The following OMA1 variants were observed in gnomAD, a reference collection of about 807,000 sequenced individuals.
The protein encoded by OMA1 is metalloendopeptidase OMA1, mitochondrial.
Under a neutral mutation model 30.9 loss-of-function variants are expected in OMA1, and 38 were observed. The ratio of observed to expected loss-of-function variants is 1.23; its 90% CI spans 0.95 to 1.61. The LOEUF is 1.61. Ranked by LOEUF, OMA1 falls within the 40% of genes most tolerant of loss-of-function variation. The pLI, the probability that OMA1 is intolerant of heterozygous loss-of-function variation, is 0.00. For missense variants in OMA1, 461 were observed against 349.2 expected, an observed-to-expected ratio of 1.32 and a Z score of -2.55; for synonymous variants, 173 against 121.9, an observed-to-expected ratio of 1.42 and a Z score of -2.76.
chr1:58,507,252 A>G (rs1646003478), intron 7 of OMA1, among the ~76,000 whole-genome samples: 1 of 151,850 alleles, frequency 6.6e-6, no homozygotes, highest in African/African-American at 2.4e-5. Flanking sequence ...ATATTTCCCA[A>G]TGATTTTATT....
chr1:58,488,487 T>C (rs1374562622), intron 8 of OMA1, among the ~76,000 whole-genome samples: 2 of 152,178 alleles, frequency 1.3e-5, no homozygotes, highest in Non-Finnish European at 2.9e-5. Context: ...GTTTCACTCT[T>C]GTAGCTCACA....
At chr1:58,514,530 C>CT (rs1307685024) in intron 7 of OMA1, among the ~76,000 whole-genome samples, 1 of 152,150 alleles carries the variant, frequency 6.6e-6, no homozygotes, top group Non-Finnish European at 1.5e-5. Flanking sequence ...AAGGTAAATC[C>CT]TGACACTGAA....
intron 7 of OMA1, among the ~76,000 whole-genome samples, chr1:58,521,697 A>G (rs747089149): frequency 6.6e-6 from 1 of 152,162 alleles, no homozygotes; most frequent in Admixed American, 6.5e-5. Flanking sequence ...TAGAAAAACT[A>G]CAAAAACTGA....
chr1:58,504,656 G>A lies in OMA1; in HGVS notation c.1365+1404C>T, dbSNP rs551376553. Among the ~76,000 whole-genome samples, 8 of 152,274 alleles carry A rather than the reference G, an allele frequency of 5.3e-5. No individual in the cohort carries two copies. In the South Asian group the frequency reaches 1.7e-3, roughly 32 times the overall value. Reference sequence around the variant, plus strand: ...CCCAGCAATAGAACACAGAATAGTAGATTAATCAATAAGTATCAATAAATA... The same window carrying A: ...CCCAGCAATAGAACACAGAATAGTAAATTAATCAATAAGTATCAATAAATA... On this transcript the variant is annotated intron_variant, in intron 8 of 8. Transcript: ENST00000371226.
intron 7 of OMA1, among the ~76,000 whole-genome samples, chr1:58,510,219 C>T (rs947972972): frequency 5.9e-5 from 9 of 151,838 alleles, no homozygotes; most frequent in African/African-American, 1.9e-4. Context: ...AACATAAATA[C>T]AAAAATTCTT....
At chr1:58,505,840 T>C (rs1402678362) in intron 8 of OMA1, among the ~76,000 whole-genome samples, 1 of 152,160 alleles carries the variant, frequency 6.6e-6, no homozygotes, top group East Asian at 1.9e-4. Context: ...CCTTCACTAT[T>C]AAGAAAAGTC....
intron 8 of OMA1, among the ~76,000 whole-genome samples, chr1:58,492,500 A>C (rs1430088031): frequency 6.6e-6 from 1 of 152,224 alleles, no homozygotes; most frequent in Non-Finnish European, 1.5e-5. Context: ...AAAGATCAAC[A>C]AAATTGATAG....
At chr1:58,490,292 A>G (rs1024309441) in intron 8 of OMA1, among the ~76,000 whole-genome samples, 8 of 152,250 alleles carry the variant, frequency 5.3e-5, no homozygotes, top group African/African-American at 1.9e-4. Flanking sequence ...CTACGTGACG[A>G]ATGCACAAGC....
intron 8 of OMA1, among the ~76,000 whole-genome samples, chr1:58,495,170 CA>C (rs1451394131): frequency 6.6e-6 from 1 of 152,024 alleles, no homozygotes; most frequent in Non-Finnish European, 1.5e-5. Flanking sequence ...ATTGCAAGGA[CA>C]AAAAACTAAA....
intron 7 of OMA1, among the ~76,000 whole-genome samples, chr1:58,517,111 TCATG>T (rs1390781237): frequency 6.6e-6 from 1 of 152,202 alleles, no homozygotes; most frequent in Non-Finnish European, 1.5e-5. Context: ...GGAAGTACTA[TCATG>T]ATTCTCACTA....
rs1646558786 is a variant in OMA1, at chr1:58,538,802, C to T, written c.493G>A (p.Val165Ile). 1.2e-6 allele frequency: 1 copy of T among 804,806 alleles called. No homozygotes were observed. Among genetic ancestry groups the T allele is most frequent in the Non-Finnish European group, 2.1e-6 (1 of 473,926 alleles). The allele number at this position is 804,806 out of a possible 1,614,324, so 49.9% of individuals were successfully genotyped here. A position where few individuals can be genotyped will look rare whatever the true frequency, so the allele number is the denominator to read the frequency against. Reference sequence around the variant, plus strand: ...TCTAAAAAAGCATTTTACCTGCCTACAATGATTGCAAATAACTTCTGTACT... The same window carrying T: ...TCTAAAAAAGCATTTTACCTGCCTATAATGATTGCAAATAACTTCTGTACT... ...KPVQKLFAII[V>I]GRGIRKWWQA... The change falls in exon 2 of 9, where the codon GTA becomes ATA. Residue 165 changes from valine to isoleucine, a missense_variant. Physicochemically the swap from Val to Ile is conservative, Grantham distance 29. Coordinates refer to ENST00000371226, the MANE Select transcript of OMA1 (RefSeq NM_145243.5).
At chr1:58,537,750 C>G (rs1224867206) in intron 2 of OMA1, among the ~76,000 whole-genome samples, 1 of 152,096 alleles carries the variant, frequency 6.6e-6, no homozygotes, top group African/African-American at 2.4e-5. Context: ...CAAAGTGTGT[C>G]CATTTAAAGG....
At chr1:58,531,077 T>C (rs1356623191) in intron 5 of OMA1, among the ~76,000 whole-genome samples, 1 of 152,146 alleles carries the variant, frequency 6.6e-6, no homozygotes, top group African/African-American at 2.4e-5. Context: ...AGGTTAAGAG[T>C]TGCCCAGATT....
In OMA1 at chr1:58,539,062, CT is replaced by C; in HGVS notation, c.232del (p.Arg78GlufsTer32). On this transcript the variant is annotated frameshift_variant, in exon 2 of 9. Coordinates refer to ENST00000371226, the MANE Select transcript of OMA1 (RefSeq NM_145243.5). LOFTEE classifies it high-confidence loss of function. ...TTTGGTACTTGAGAGGCCTCCTGTT[CT>C]TTTGTTGTTAAAAGTACTATAAAAA... ...FHFYSTFNNKRTGGLSSTKSK... is the reference protein window; with the variant it reads ...FHFYSTFNNKXTGGLSSTKSK... 1.1e-6 allele frequency: 1 copy of C among 872,936 alleles called. No individual in the cohort carries two copies. Among genetic ancestry groups the C allele is most frequent in the Non-Finnish European group, 2.0e-6 (1 of 501,650 alleles). The allele number at this position is 872,936 out of a possible 1,614,324, so 54.1% of individuals were successfully genotyped here.
In OMA1 at chr1:58,489,123, G is replaced by A. The variant is rs995018167; in HGVS notation, c.1366-7949C>T. ...GGACAGTCGGTGCAGCGCACCGAGCGTGAGCCGAAGTAGGGCAAGGCATCG... is the reference window on the plus strand; with the variant it reads ...GGACAGTCGGTGCAGCGCACCGAGCATGAGCCGAAGTAGGGCAAGGCATCG... On this transcript the variant is annotated intron_variant, in intron 8 of 8. Transcript: ENST00000371226. Among the ~76,000 whole-genome samples the A allele has an allele frequency of 5.9e-5, 9 of 152,322 alleles. No homozygotes were observed. The East Asian group carries it at 7.8e-4, about 13-fold the overall frequency.
At chr1:58,499,911 C>T (rs1246503417) in intron 8 of OMA1, among the ~76,000 whole-genome samples, 2 of 151,586 alleles carry the variant, frequency 1.3e-5, no homozygotes, top group African/African-American at 2.4e-5. Flanking sequence ...TATTACATAT[C>T]AAGTAAAACA....
Position 58,490,753 on chromosome 1 carries a change from A to C in OMA1, c.1366-9579T>G, listed in dbSNP as rs1645667051. 3.4e-5 allele frequency among the ~76,000 whole-genome samples: 5 copies of C among 149,082 alleles called. No individual in the cohort carries two copies. The South Asian group carries it at 8.5e-4, about 25-fold the overall frequency. On this transcript the variant is annotated intron_variant, in intron 8 of 8. Transcript: ENST00000371226. Reference sequence around the variant, plus strand: ...ACTAACAGCGGATCTCTCAGCAGAAACTCTACAAGCCAGAAGAGAGTGGGG... The same window carrying C: ...ACTAACAGCGGATCTCTCAGCAGAACCTCTACAAGCCAGAAGAGAGTGGGG...
At chr1:58,526,879 G>A (rs1646359688) in intron 7 of OMA1, among the ~76,000 whole-genome samples, 1 of 152,098 alleles carries the variant, frequency 6.6e-6, no homozygotes, top group Non-Finnish European at 1.5e-5. Context: ...AAAGGCCAGA[G>A]GGGATGACAC....
intron 7 of OMA1, among the ~76,000 whole-genome samples, chr1:58,524,387 G>C (rs1019558988): frequency 6.6e-6 from 1 of 152,100 alleles, no homozygotes. Context: ...TCCTTCGCTG[G>C]CATTAAATTC....
Sources: allele counts gnomAD v4.1 joint callset (sites outside exome capture counted in the v4.1 genomes callset), GRCh38; gene constraint gnomAD v4.1.1; transcripts MANE v1.5; gene names NCBI Gene and HGNC (gene_info 2026-07-23, HGNC 2026-07-21).